Variants in ASXL2 observed in about 807,000 individuals in gnomAD.
ASXL2 encodes ASXL transcriptional regulator 2.
In ASXL2, 23 loss-of-function variants were observed where a neutral mutation model predicts 122.0. The ratio of observed to expected loss-of-function variants is 0.19; its 90% CI spans 0.14 to 0.27. The LOEUF (loss-of-function observed/expected upper bound fraction) is 0.27. ASXL2 is among the 10% of genes least tolerant of loss of function. The pLI is 1.00. For synonymous variants in ASXL2, 650 were observed against 637.0 expected, an observed-to-expected ratio of 1.02 and a Z score of -0.31; for missense variants, 1,518 against 1,713.8, an observed-to-expected ratio of 0.89 and a Z score of 2.02.
chr2:25,844,591 CA>C (rs903861995), intron 2 of ASXL2, among the ~76,000 whole-genome samples: 3 of 148,580 alleles, frequency 2.0e-5, no homozygotes, highest in African/African-American at 7.4e-5. Flanking sequence ...AAAAAACAAA[CA>C]AAAAAAACAA....
chr2:25,828,889 A>C (rs2089414105), intron 3 of ASXL2, among the ~76,000 whole-genome samples: 1 of 151,344 alleles, frequency 6.6e-6, no homozygotes, highest in South Asian at 2.1e-4. Flanking sequence ...CAGAAACAGC[A>C]CTTATATTTT....
At chr2:25,795,789 T>TA (rs555543324) in intron 5 of ASXL2, among the ~76,000 whole-genome samples, 105 of 151,088 alleles carry the variant, frequency 6.9e-4, no homozygotes, top group South Asian at 1.0e-3. Flanking sequence ...AAAATTAAAA[T>TA]AAAAAAAAAT....
At chr2:25,807,184 A>G (rs28639386) in intron 3 of ASXL2, among the ~76,000 whole-genome samples, 3,214 of 152,292 alleles carry the variant, frequency 0.021, 111 homozygotes, top group African/African-American at 0.07. Flanking sequence ...TTAAAAACTG[A>G]TCACAATACC....
At chr2:25,864,359 A>G (rs1371850815) in intron 1 of ASXL2, among the ~76,000 whole-genome samples, 1 of 152,154 alleles carries the variant, frequency 6.6e-6, no homozygotes, top group African/African-American at 2.4e-5. Context: ...GGTCAGATGG[A>G]TTGGAGAGAG....
chr2:25,822,320 C>G (rs1284174562), intron 3 of ASXL2: 2 of 164,404 alleles, frequency 1.2e-5, no homozygotes, highest in African/African-American at 4.8e-5. Context: ...AGGTGGAGCC[C>G]GCCGCTGCCG....
chr2:25,796,619 A>AT (rs902298421), intron 5 of ASXL2, among the ~76,000 whole-genome samples: 2 of 152,348 alleles, frequency 1.3e-5, no homozygotes, highest in African/African-American at 4.8e-5. Context: ...ACCAAACGGA[A>AT]TAAGAGCAAA....
At chr2:25,745,645 T>G (rs1396074548) in intron 12 of ASXL2, among the ~76,000 whole-genome samples, 1 of 138,700 alleles carries the variant, frequency 7.2e-6, no homozygotes, top group Admixed American at 7.1e-5. Flanking sequence ...TTCCTTCTTT[T>G]TTTTTTTTTT....
intron 3 of ASXL2, among the ~76,000 whole-genome samples, chr2:25,820,106 C>T (rs572499579): frequency 6.6e-5 from 10 of 152,110 alleles, no homozygotes; most frequent in South Asian, 2.1e-4. Flanking sequence ...TGTATAGAGA[C>T]GGGCTCGCTT....
At chr2:25,877,092 A>T (rs944769889) in intron 1 of ASXL2, among the ~76,000 whole-genome samples, 2 of 152,178 alleles carry the variant, frequency 1.3e-5, no homozygotes, top group South Asian at 2.1e-4. Context: ...TTTTATATTT[A>T]AAAAACTCAT....
chr2:25,741,998 C>T lies in ASXL2; in HGVS notation c.*31G>A. The T allele has an allele frequency of 6.4e-7, 1 of 1,571,410 alleles. No homozygotes were observed. Among genetic ancestry groups the T allele is most frequent in the Non-Finnish European group, 8.7e-7 (1 of 1,153,126 alleles). ...CAACTGGTCAACCCTTCCCTTCCCC[C>T]TCCTTTACAGTGTATCTCTTTCTAG... On this transcript the variant is annotated 3_prime_UTR_variant, in exon 13 of 13. Transcript: ENST00000435504.
chr2:25,806,170 T>C (rs2089078069), intron 4 of ASXL2, 59 bp downstream of exon 4: 8 of 1,101,908 alleles, frequency 7.3e-6, no homozygotes, highest in Non-Finnish European at 1.1e-5. Flanking sequence ...GAGTCAAATA[T>C]TTATATGTGG....
At chr2:25,819,375 G>C (rs2089279661) in intron 3 of ASXL2, among the ~76,000 whole-genome samples, 1 of 152,134 alleles carries the variant, frequency 6.6e-6, no homozygotes, top group African/African-American at 2.4e-5. Flanking sequence ...GAGTCTCAGA[G>C]TATCTTCACC....
intron 5 of ASXL2, among the ~76,000 whole-genome samples, chr2:25,791,103 C>G (rs1410174939): frequency 1.3e-5 from 2 of 151,598 alleles, no homozygotes; most frequent in Non-Finnish European, 1.5e-5. Flanking sequence ...AGCCTATAAA[C>G]AGTCTTGATC....
chr2:25,755,685 TA>T (rs1196088666), intron 10 of ASXL2, among the ~76,000 whole-genome samples: 4 of 152,226 alleles, frequency 2.6e-5, no homozygotes, highest in Non-Finnish European at 5.9e-5. Flanking sequence ...TCTATACTTT[TA>T]TTAGGGAGCC....
Position 25,776,163 on chromosome 2 carries a change from T to C in ASXL2, c.404-4623A>G, listed in dbSNP as rs77949346. Among the ~76,000 whole-genome samples the C allele has an allele frequency of 9.5e-4, 145 of 152,302 alleles. No homozygotes were observed. The East Asian group carries it at 0.024, about 25-fold the overall frequency. ...CCATACATGTTAACCGTTACTCATC[T>C]TTTACCCCATCTATGTCCGTGGTCC... On this transcript the variant is annotated intron_variant, in intron 5 of 12. Coordinates refer to ENST00000435504, the MANE Select transcript of ASXL2 (RefSeq NM_018263.6).
intron 1 of ASXL2, among the ~76,000 whole-genome samples, chr2:25,850,038 A>G (rs945474005): frequency 1.3e-5 from 2 of 152,048 alleles, no homozygotes; most frequent in Admixed American, 1.3e-4. Flanking sequence ...CCCATCACCC[A>G]TTTTCAACAA....
At chr2:25,781,944 G>C (rs2088645953) in intron 5 of ASXL2, among the ~76,000 whole-genome samples, 2 of 58,132 alleles carry the variant, frequency 3.4e-5, no homozygotes, top group South Asian at 5.2e-4. Flanking sequence ...TAACAGGCGT[G>C]AGCCACCGCC....
At chr2:25,828,492 G>A (rs1386811320) in intron 3 of ASXL2, among the ~76,000 whole-genome samples, 3 of 107,780 alleles carry the variant, frequency 2.8e-5, no homozygotes, top group Non-Finnish European at 5.4e-5. Flanking sequence ...GGGCAACAAA[G>A]AGCAAAACTC....
intron 5 of ASXL2, among the ~76,000 whole-genome samples, chr2:25,784,769 G>A (rs1318912151): frequency 6.6e-6 from 1 of 152,194 alleles, no homozygotes; most frequent in African/African-American, 2.4e-5. Flanking sequence ...ACTAGTCTTA[G>A]TGGACTAATG....
Sources: allele counts gnomAD v4.1 joint callset (sites outside exome capture counted in the v4.1 genomes callset), GRCh38; gene constraint gnomAD v4.1.1; transcripts MANE v1.5; gene names NCBI Gene and HGNC (gene_info 2026-07-23, HGNC 2026-07-21).